Variants in PRKCA observed in about 807,000 individuals in gnomAD.
The protein encoded by PRKCA is protein kinase C alpha.
In PRKCA, 27 loss-of-function variants were observed where a neutral mutation model predicts 87.0. The observed-to-expected ratio is 0.31, with a 90% confidence interval of 0.23 to 0.43. The LOEUF (loss-of-function observed/expected upper bound fraction) is 0.43, where lower values mean the gene tolerates loss of function less well. Ranked by LOEUF, PRKCA falls within the 20% of genes least tolerant of loss-of-function variation. The probability of loss-of-function intolerance (pLI) is 1.00; values close to 1 mark genes in which losing one functional copy is unlikely to be tolerated. For synonymous variants in PRKCA, 329 were observed against 311.1 expected, an observed-to-expected ratio of 1.06 and a Z score of -0.61; for missense variants, 518 against 852.3, an observed-to-expected ratio of 0.61 and a Z score of 4.88.
At chr17:66,754,467 C>T (rs1339945485) in intron 13 of PRKCA, among the ~76,000 whole-genome samples, 1 of 152,172 alleles carries the variant, frequency 6.6e-6, no homozygotes, top group Non-Finnish European at 1.5e-5. Flanking sequence ...CTTGAGCTTG[C>T]TGTGCCTCGA....
intron 2 of PRKCA, among the ~76,000 whole-genome samples, chr17:66,409,588 A>G (rs1911649456): frequency 6.6e-6 from 1 of 152,222 alleles, no homozygotes; most frequent in African/African-American, 2.4e-5. Flanking sequence ...CTTGTATTTT[A>G]GATAGATAAA....
chr17:66,313,531 C>T (rs1345552926), intron 2 of PRKCA, among the ~76,000 whole-genome samples: 2 of 152,048 alleles, frequency 1.3e-5, no homozygotes, highest in Non-Finnish European at 2.9e-5. Flanking sequence ...AATCTTATTG[C>T]ACAAATAAAA....
chr17:66,313,725 TTC>T (rs1412462958), intron 2 of PRKCA, among the ~76,000 whole-genome samples: 2 of 152,166 alleles, frequency 1.3e-5, no homozygotes, highest in Non-Finnish European at 2.9e-5. Context: ...ACTTCACTGA[TTC>T]TGTTATTTTT....
intron 2 of PRKCA, among the ~76,000 whole-genome samples, chr17:66,421,530 TTCTCTTTTC>T (rs1263050543): frequency 2.0e-5 from 3 of 150,550 alleles, no homozygotes; most frequent in Non-Finnish European, 3.0e-5. Flanking sequence ...TTCTCTTCTC[TTCTCTTTTC>T]TTTCTTTTTT....
chr17:66,578,794 G>A (rs1266682558), intron 3 of PRKCA, among the ~76,000 whole-genome samples: 5 of 152,136 alleles, frequency 3.3e-5, no homozygotes, highest in Non-Finnish European at 5.9e-5. Flanking sequence ...CTAACTGACC[G>A]CCTGTCTCTC....
intron 5 of PRKCA, among the ~76,000 whole-genome samples, chr17:66,649,452 C>G (rs1266907488): frequency 6.6e-6 from 1 of 152,216 alleles, no homozygotes; most frequent in Admixed American, 6.5e-5. Context: ...ACTCCCCAAC[C>G]AATCCCATGA....
At chr17:66,646,420 G>A (rs1042341069) in intron 5 of PRKCA, among the ~76,000 whole-genome samples, 1 of 151,560 alleles carries the variant, frequency 6.6e-6, no homozygotes, top group Admixed American at 6.6e-5. Context: ...CCATGTTGGT[G>A]TATGGTTCAG....
At chr17:66,454,248 G>A (rs1914476265) in intron 2 of PRKCA, among the ~76,000 whole-genome samples, 1 of 152,194 alleles carries the variant, frequency 6.6e-6, no homozygotes, top group African/African-American at 2.4e-5. Flanking sequence ...TGGTCAGTGT[G>A]CTGGCTTCCT....
chr17:66,791,613 C>T (rs546638087), intron 16 of PRKCA, among the ~76,000 whole-genome samples: 3 of 152,298 alleles, frequency 2.0e-5, no homozygotes, highest in South Asian at 2.1e-4. Context: ...GCCAGGCAGC[C>T]GAGTGAGGCT....
chr17:66,746,906 T>C (rs1274699178), intron 13 of PRKCA, among the ~76,000 whole-genome samples: 1 of 152,132 alleles, frequency 6.6e-6, no homozygotes, highest in Non-Finnish European at 1.5e-5. Context: ...ACAAGTCAAG[T>C]AGATTCCAGC....
At chr17:66,611,956 A>T (rs1037812561) in intron 3 of PRKCA, among the ~76,000 whole-genome samples, 6 of 152,074 alleles carry the variant, frequency 3.9e-5, no homozygotes, top group Non-Finnish European at 8.8e-5. Flanking sequence ...ATTGGTCATT[A>T]TATATCTTCT....
intron 2 of PRKCA, among the ~76,000 whole-genome samples, chr17:66,427,618 C>A (rs1036942831): frequency 6.6e-6 from 1 of 152,176 alleles, no homozygotes; most frequent in Non-Finnish European, 1.5e-5. Context: ...CAAGGGCTTT[C>A]TAGAGCTGTT....
intron 2 of PRKCA, among the ~76,000 whole-genome samples, chr17:66,461,789 A>G (rs1228271133): frequency 1.3e-5 from 2 of 152,102 alleles, no homozygotes; most frequent in Non-Finnish European, 2.9e-5. Context: ...CCCATGAGTT[A>G]ATTGGCAGCT....
intron 3 of PRKCA, among the ~76,000 whole-genome samples, chr17:66,531,175 G>T (rs1967522922): frequency 6.6e-6 from 1 of 152,146 alleles, no homozygotes; most frequent in Non-Finnish European, 1.5e-5. Flanking sequence ...CTATTAAATG[G>T]GCAGAGGCCC....
chr17:66,515,311 G>C (rs1966932796), intron 3 of PRKCA, among the ~76,000 whole-genome samples: 1 of 151,584 alleles, frequency 6.6e-6, no homozygotes, highest in South Asian at 2.1e-4. Flanking sequence ...ATGTTGGATA[G>C]GTAACTAACA....
At chr17:66,657,628 GGTGGAAGAACTCTC>G (rs1213190322) in intron 5 of PRKCA, among the ~76,000 whole-genome samples, 1 of 152,154 alleles carries the variant, frequency 6.6e-6, no homozygotes, top group African/African-American at 2.4e-5. Flanking sequence ...GGCCCGCACA[GGTGGAAGAACTCTC>G]GTGGAAGAAC....
chr17:66,765,948 C>A lies in PRKCA; in HGVS notation c.1525-8039C>A, dbSNP rs561820292. ...CCTGTAACTGAGATCTTCAGGACCT[C>A]CCGTGTTATCTGGTACACAACAAGC... is the stretch of plus-strand genomic sequence containing the variant. On this transcript the variant is annotated intron_variant, in intron 13 of 16. Transcript: ENST00000413366. Among the ~76,000 whole-genome samples, 4 of 152,294 alleles carry A rather than the reference C, an allele frequency of 2.6e-5. No homozygotes were observed. The South Asian group carries it at 8.3e-4, about 32-fold the overall frequency.
At chr17:66,783,776 C>A (rs946182271) in intron 14 of PRKCA, among the ~76,000 whole-genome samples, 1 of 152,176 alleles carries the variant, frequency 6.6e-6, no homozygotes, top group African/African-American at 2.4e-5. Context: ...TTCTCTTAGG[C>A]CTTTGGTTTG....
chr17:66,549,821 C>T (rs997266403), intron 3 of PRKCA, among the ~76,000 whole-genome samples: 4 of 152,126 alleles, frequency 2.6e-5, no homozygotes, highest in Non-Finnish European at 5.9e-5. Context: ...TTTTAGTGGT[C>T]AGTGGGGTGT....
Sources: allele counts gnomAD v4.1 joint callset (sites outside exome capture counted in the v4.1 genomes callset), GRCh38; gene constraint gnomAD v4.1.1; transcripts MANE v1.5; gene names NCBI Gene and HGNC (gene_info 2026-07-23, HGNC 2026-07-21).